TNIK: variants seen among roughly 807,000 people sequenced by gnomAD.
The protein encoded by TNIK is TRAF2 and NCK interacting kinase.
Under a neutral mutation model 191.3 loss-of-function variants are expected in TNIK, and 49 were observed. The observed-to-expected ratio is 0.26, with a 90% confidence interval of 0.20 to 0.32. TNIK has a LOEUF of 0.32. Ranked by LOEUF, TNIK falls within the 10% of genes least tolerant of loss-of-function variation. The probability of loss-of-function intolerance (pLI) is 1.00; values close to 1 mark genes in which losing one functional copy is unlikely to be tolerated. For synonymous variants in TNIK, 594 were observed against 600.9 expected, an observed-to-expected ratio of 0.99 and a Z score of 0.17; for missense variants, 1,155 against 1,702.3, an observed-to-expected ratio of 0.68 and a Z score of 5.66.
chr3:171,071,405 C>T, intron 28 of TNIK, 82 bp from the exon 29 acceptor site: 2 of 971,466 alleles, frequency 2.1e-6, no homozygotes, highest in South Asian at 3.8e-5. Flanking sequence ...GTATAAGCAA[C>T]AATATGTAAA....
At chr3:171,453,392 A>G (rs977023488) in intron 1 of TNIK, among the ~76,000 whole-genome samples, 1 of 152,152 alleles carries the variant, frequency 6.6e-6, no homozygotes, top group Non-Finnish European at 1.5e-5. Flanking sequence ...GGCAGTAGGT[A>G]CAGAAAGGAG....
intron 2 of TNIK, among the ~76,000 whole-genome samples, chr3:171,282,128 T>G (rs965346734): frequency 5.3e-5 from 8 of 152,202 alleles, no homozygotes; most frequent in Non-Finnish European, 1.2e-4. Context: ...GTGTCTTCAA[T>G]TCTAGAATCA....
intron 18 of TNIK, among the ~76,000 whole-genome samples, chr3:171,121,290 CAG>C (rs1241926134): frequency 6.6e-6 from 1 of 152,182 alleles, no homozygotes; most frequent in Non-Finnish European, 1.5e-5. Flanking sequence ...TTAGGACCAA[CAG>C]AGAGTAGGAG....
At chr3:171,388,386 T>C (rs1719015836) in intron 1 of TNIK, among the ~76,000 whole-genome samples, 1 of 152,220 alleles carries the variant, frequency 6.6e-6, no homozygotes, top group African/African-American at 2.4e-5. Flanking sequence ...CAAAGAACAC[T>C]TTAAAATGTA....
At position 171,066,637 on chromosome 3, in the gene TNIK, G is replaced by A; in HGVS notation, c.3798C>T (p.Asn1266=). The change falls in exon 31 of 33, where the codon AAC becomes AAT. Residue 1266 remains asparagine, a synonymous_variant. Coordinates refer to ENST00000436636, the MANE Select transcript of TNIK (RefSeq NM_015028.4). ...CATCCTTAGTTATCCGGCCATAGGT[G>A]TTTACATACACCCCCTCATCCTCAT... ...VCYEDEGVYV[N]TYGRITKDVV... is the part of the protein sequence containing the mutation. The A allele has an allele frequency of 6.2e-7, 1 of 1,613,772 alleles. No homozygotes were observed. The highest frequency in any genetic ancestry group is 8.5e-7 in the Non-Finnish European group (1 of 1,179,856).
chr3:171,080,274 A>G (rs1171832067), intron 27 of TNIK, among the ~76,000 whole-genome samples: 1 of 152,220 alleles, frequency 6.6e-6, no homozygotes, highest in East Asian at 1.9e-4. Context: ...TGAAGAGTAC[A>G]CAAGTAGCAA....
At chr3:171,258,185 A>G (rs886620017) in intron 2 of TNIK, among the ~76,000 whole-genome samples, 1 of 152,208 alleles carries the variant, frequency 6.6e-6, no homozygotes, top group Admixed American at 6.5e-5. Flanking sequence ...CTTTGTGGCC[A>G]TAACTCCTAA....
intron 1 of TNIK, among the ~76,000 whole-genome samples, chr3:171,377,980 G>A (rs567945766): frequency 6.6e-6 from 1 of 152,260 alleles, no homozygotes; most frequent in African/African-American, 2.4e-5. Flanking sequence ...CTGGGGTTAC[G>A]GGGATGCTGA....
At chr3:171,167,801 G>A (rs994549017) in intron 9 of TNIK, among the ~76,000 whole-genome samples, 2 of 152,216 alleles carry the variant, frequency 1.3e-5, no homozygotes, top group East Asian at 3.9e-4. Context: ...ATAGGTAACA[G>A]GGAGTGCATT....
intron 2 of TNIK, among the ~76,000 whole-genome samples, chr3:171,330,389 G>A (rs1756278609): frequency 6.6e-6 from 1 of 152,182 alleles, no homozygotes; most frequent in Non-Finnish European, 1.5e-5. Flanking sequence ...AAGAAGGAAG[G>A]CTTATTTTCC....
intron 2 of TNIK, among the ~76,000 whole-genome samples, chr3:171,284,865 A>G (rs1158564): frequency 0.53 from 80,591 of 152,030 alleles, 22,290 homozygotes; most frequent in African/African-American, 0.65. Flanking sequence ...TTACTAAAGC[A>G]GGGAAGGAGT....
At chr3:171,111,365 T>C (rs1424946384) in intron 18 of TNIK, among the ~76,000 whole-genome samples, 2 of 151,852 alleles carry the variant, frequency 1.3e-5, no homozygotes, top group African/African-American at 4.8e-5. Flanking sequence ...CAGTGAGCCA[T>C]GATCACGCCA....
At chr3:171,067,890 C>T (rs78343246) in intron 30 of TNIK, among the ~76,000 whole-genome samples, 4,503 of 152,214 alleles carry the variant, frequency 0.03, 115 homozygotes, top group Non-Finnish European at 0.04. Flanking sequence ...CCCACATCCA[C>T]ATGAGTTAAA....
chr3:171,214,308 C>T (rs1312418705), intron 3 of TNIK, among the ~76,000 whole-genome samples: 2 of 151,804 alleles, frequency 1.3e-5, no homozygotes, highest in Non-Finnish European at 2.9e-5. Flanking sequence ...AGTTACAATG[C>T]TTTCCAAAAA....
chr3:171,328,868 AG>A (rs1230225228), intron 2 of TNIK, among the ~76,000 whole-genome samples: 2 of 152,176 alleles, frequency 1.3e-5, no homozygotes, highest in Non-Finnish European at 2.9e-5. Context: ...TGGCTGTGGC[AG>A]GAAGTCACTA....
intron 21 of TNIK, among the ~76,000 whole-genome samples, chr3:171,105,556 C>A (rs144225673): frequency 6.9e-6 from 1 of 145,778 alleles, no homozygotes; most frequent in East Asian, 1.9e-4. Context: ...GAGGGCTTTT[C>A]CAACCATACA....
intron 4 of TNIK, among the ~76,000 whole-genome samples, chr3:171,210,087 G>A (rs1451938150): frequency 6.6e-6 from 1 of 152,206 alleles, no homozygotes; most frequent in Non-Finnish European, 1.5e-5. Flanking sequence ...AAGACAGTAA[G>A]AGGTTAAAAA....
At chr3:171,100,000 T>C (rs529314440) in intron 22 of TNIK, among the ~76,000 whole-genome samples, 1 of 152,306 alleles carries the variant, frequency 6.6e-6, no homozygotes, top group South Asian at 2.1e-4. Context: ...GAAGACAAAA[T>C]CCAAGTACGA....
intron 1 of TNIK, among the ~76,000 whole-genome samples, chr3:171,416,748 G>A (rs1723137183): frequency 6.6e-6 from 1 of 152,134 alleles, no homozygotes; most frequent in African/African-American, 2.4e-5. Flanking sequence ...CTAATTGGAG[G>A]AGACAGGCTT....
Sources: allele counts gnomAD v4.1 joint callset (sites outside exome capture counted in the v4.1 genomes callset), GRCh38; gene constraint gnomAD v4.1.1; transcripts MANE v1.5; gene names NCBI Gene and HGNC (gene_info 2026-07-23, HGNC 2026-07-21).